Variants in RNASE9 observed in about 807,000 individuals in gnomAD.
RNASE9 encodes the protein ribonuclease A family member 9 (inactive), also known as inactive ribonuclease-like protein 9.
For synonymous variants in RNASE9, 95 were observed against 87.6 expected (o/e 1.08, Z -0.47); for missense variants, 263 against 247.1 (o/e 1.06, Z -0.43).
chr14:20,560,074 G>A (rs1883894494), intron 1 of RNASE9, among the ~76,000 whole-genome samples: 1 of 152,034 alleles, frequency 6.6e-6, no homozygotes, highest in Non-Finnish European at 1.5e-5. Flanking sequence ...AGAAAAGATT[G>A]GAATGAGTTA....
At chr14:20,559,054 C>T (rs1404035816) in intron 2 of RNASE9, among the ~76,000 whole-genome samples, 2 of 151,814 alleles carry the variant, frequency 1.3e-5, no homozygotes, top group African/African-American at 2.4e-5. Flanking sequence ...TTTAATAATT[C>T]TGTTTCTGAA....
At chr14:20,559,144 G>A (rs1195442737) in intron 2 of RNASE9, among the ~76,000 whole-genome samples, 1 of 151,128 alleles carries the variant, frequency 6.6e-6, no homozygotes, top group African/African-American at 2.4e-5. Context: ...TAAGAGTCAT[G>A]GTCTCACAGT....
exon 3 of RNASE9, chr14:20,556,959 T>C (rs749995666): frequency 1.2e-6 from 2 of 1,614,178 alleles, no homozygotes; most frequent in Admixed American, 1.7e-5. Context: ...TTTTATCTTC[T>C]TCTGGGAAAT....
In RNASE9 at chr14:20,558,379, T is replaced by A. The variant is rs75822492; in HGVS notation, c.-1310A>T. ...AGAAAGGTGGGTGTTGGGGAACACATCAGAAAGTAGAGACAGGAAAGTTGA... is the reference window on the plus strand; with the variant it reads ...AGAAAGGTGGGTGTTGGGGAACACAACAGAAAGTAGAGACAGGAAAGTTGA... On this transcript the variant is annotated 5_prime_UTR_variant, in exon 3 of 3. Transcript: ENST00000555230. 4,833 of 681,880 alleles carry A rather than the reference T, an allele frequency of 7.1e-3. 158 individuals are homozygous for A. In the African/African-American group the frequency reaches 0.075, roughly 11 times the overall value. 42.2% of individuals were successfully genotyped at this position (681,880 alleles called of 1,614,324 possible).
chr14:20,556,475 C>T (rs1378355050), exon 3 of RNASE9: 2 of 1,611,696 alleles, frequency 1.2e-6, no homozygotes, highest in East Asian at 2.2e-5. Context: ...ACAAAGACAC[C>T]ATCCTCACTG....
At chr14:20,558,724 C>T (rs899366479) in intron 2 of RNASE9, 84 of 766,128 alleles carry the variant, frequency 1.1e-4, no homozygotes, top group Non-Finnish European at 4.2e-5. Context: ...TTCTACTTCC[C>T]GAGAACATGC....
At position 20,556,288 on chromosome 14, in the gene RNASE9, T is replaced by TGAG. The variant is rs1461477240; in HGVS notation, c.*163_*164insCTC. 5.1e-6 allele frequency: 3 copies of TGAG among 593,404 alleles called. No homozygotes were observed. In the African/African-American group the frequency reaches 5.5e-5, roughly 11 times the overall value. 36.8% of individuals were successfully genotyped at this position (593,404 alleles called of 1,614,324 possible). A position where few individuals can be genotyped will look rare whatever the true frequency, so the allele number is the denominator to read the frequency against. On this transcript the variant is annotated 3_prime_UTR_variant, in exon 3 of 3. Coordinates refer to ENST00000555230, the Ensembl canonical transcript of RNASE9. ...TGAGACCACATCTCAGAGCACCGTC[T>TGAG]GTGAACCTAGCCTAAGGTGCTTTTG...
chr14:20,558,952 C>A (rs978558623), intron 2 of RNASE9, among the ~76,000 whole-genome samples: 2 of 151,992 alleles, frequency 1.3e-5, no homozygotes, highest in Non-Finnish European at 2.9e-5. Flanking sequence ...TTAGTGTGGT[C>A]TTTTTTCACA....
chr14:20,559,362 C>T (rs1467242022), intron 2 of RNASE9, among the ~76,000 whole-genome samples: 9 of 151,142 alleles, frequency 6.0e-5, no homozygotes, highest in East Asian at 1.9e-4. Flanking sequence ...ATAGGGTGCC[C>T]GGGACAGGTG....
chr14:20,556,584 G>A (rs1328950681), exon 3 of RNASE9: 5 of 1,613,678 alleles, frequency 3.1e-6, no homozygotes, highest in Non-Finnish European at 1.7e-6. Flanking sequence ...TAAGGACGTA[G>A]CCCTTCCTAT....
At chr14:20,557,074 C>T (rs867604801) in exon 3 of RNASE9, 1 of 1,598,878 alleles carries the variant, frequency 6.3e-7, no homozygotes, top group African/African-American at 1.4e-5. Flanking sequence ...CATCATTTTT[C>T]CTGCAGACAC....
chr14:20,559,969 G>A (rs1883888710), intron 1 of RNASE9, among the ~76,000 whole-genome samples: 3 of 152,030 alleles, frequency 2.0e-5, no homozygotes, highest in Admixed American at 1.3e-4. Context: ...GCCTTGGAGG[G>A]GTTGTCTATC....
At chr14:20,560,406 A>C (rs969589004) in intron 1 of RNASE9, 1 of 152,062 alleles carries the variant, frequency 6.6e-6, no homozygotes, top group Non-Finnish European at 1.5e-5. Flanking sequence ...TTTTTGAAAA[A>C]TTTGAGAAAT....
chr14:20,560,573 A>G (rs1321375689), intron 1 of RNASE9, among the ~76,000 whole-genome samples: 1 of 152,098 alleles, frequency 6.6e-6, no homozygotes, highest in East Asian at 1.9e-4. Flanking sequence ...GGGAAAGGGA[A>G]AGGTTAAAAT....
chr14:20,559,568 C>T lies in RNASE9; in HGVS notation c.-1582+14G>A, dbSNP rs565133235. 1.4e-4 allele frequency: 21 copies of T among 152,246 alleles called. No individual in the cohort carries two copies. Among genetic ancestry groups the T allele is most frequent in the African/African-American group, 4.1e-4 (17 of 41,550 alleles). The allele number at this position is 152,246 out of a possible 1,614,324, so 9.4% of individuals were successfully genotyped here. A position where few individuals can be genotyped will look rare whatever the true frequency, so the allele number is the denominator to read the frequency against. The stretch of plus-strand genomic sequence containing the variant: ...GCCTGGTAATCTCACACAGCAGAAA[C>T]GCCTCTGGCCTACCTGTGGAATGCA... On this transcript the variant is annotated intron_variant, in intron 2 of 2. Transcript: ENST00000555230.
exon 3 of RNASE9, chr14:20,556,570 G>A: frequency 6.2e-7 from 1 of 1,613,896 alleles, no homozygotes; most frequent in Non-Finnish European, 8.5e-7. Context: ...CCATGAACAA[G>A]TGATAAGGAC....
chr14:20,559,841 T>C (rs1009163697), intron 1 of RNASE9, among the ~76,000 whole-genome samples: 1 of 152,218 alleles, frequency 6.6e-6, no homozygotes, highest in African/African-American at 2.4e-5. Flanking sequence ...TTGGCTATTG[T>C]GAATCATGTT....
At chr14:20,559,888 C>T (rs1015770868) in intron 1 of RNASE9, among the ~76,000 whole-genome samples, 3 of 152,108 alleles carry the variant, frequency 2.0e-5, no homozygotes, top group Non-Finnish European at 4.4e-5. Context: ...TGTTCAAGTC[C>T]CTGCTTTTCT....
exon 3 of RNASE9, chr14:20,558,455 C>A: frequency 1.1e-6 from 1 of 904,166 alleles, no homozygotes; most frequent in Admixed American, 2.0e-5. Flanking sequence ...CCTAAAATGG[C>A]GATGTGAGAA....
Sources: gnomAD v4.1 joint callset for allele counts (sites outside exome capture counted in the v4.1 genomes callset) on GRCh38, gnomAD v4.1.1 for gene constraint, MANE v1.5 for transcripts, NCBI Gene and HGNC (gene_info 2026-07-23, HGNC 2026-07-21) for gene names.